Variants in FGF12 observed in about 807,000 individuals in gnomAD.
FGF12 encodes fibroblast growth factor 12B.
FGF12 carries 14 observed loss-of-function variants against 23.6 expected under a neutral mutation model. The ratio of observed to expected loss-of-function variants is 0.59; its 90% confidence interval spans 0.39 to 0.93. The LOEUF is 0.93. Ranked by LOEUF, FGF12 falls within the 40% of genes least tolerant of loss-of-function variation. The pLI is 0.00. For synonymous variants in FGF12, 62 were observed against 77.3 expected, an observed-to-expected ratio of 0.80 and a Z score of 1.04; for missense variants, 175 against 217.8, an observed-to-expected ratio of 0.80 and a Z score of 1.24.
chr3:192,435,145 A>T (rs1234570961), intron 2 of FGF12, among the ~76,000 whole-genome samples: 1 of 152,188 alleles, frequency 6.6e-6, no homozygotes, highest in Non-Finnish European at 1.5e-5. Context: ...TAAAGCATAA[A>T]GTCTCTATTT....
At chr3:192,643,099 AT>A (rs1293193313) in intron 2 of FGF12, among the ~76,000 whole-genome samples, 2 of 152,238 alleles carry the variant, frequency 1.3e-5, no homozygotes, top group Non-Finnish European at 2.9e-5. Flanking sequence ...GGCAGACATG[AT>A]TTTTTAAAAA....
intron 2 of FGF12, among the ~76,000 whole-genome samples, chr3:192,715,818 C>G (rs926965413): frequency 6.6e-6 from 1 of 152,194 alleles, no homozygotes; most frequent in African/African-American, 2.4e-5. Context: ...TTTTTCATGT[C>G]TAGCCCCAGT....
At chr3:192,633,937 C>A (rs141060290) in intron 2 of FGF12, among the ~76,000 whole-genome samples, 13 of 152,102 alleles carry the variant, frequency 8.5e-5, no homozygotes, top group Admixed American at 7.2e-4. Context: ...AACTGTATAT[C>A]GTTGTTGCTT....
Position 192,514,929 on chromosome 3 carries a change from G to T in FGF12, c.14-154391C>A. The T allele has an allele frequency of 1.0e-6, 1 of 956,660 alleles. No homozygotes were observed. The highest frequency in any genetic ancestry group is 1.2e-4 in the East Asian group (1 of 8,624). 59.3% of individuals were successfully genotyped at this position (956,660 alleles called of 1,614,324 possible). ...CCCGGGCGCCGGCAGGGGGCGGGCC[G>T]GGACGCGGAAGTGCCGGTCCGCCGG... On this transcript the variant is annotated intron_variant, in intron 2 of 5. Coordinates refer to ENST00000445105, the MANE Select transcript of FGF12 (RefSeq NM_004113.6). The surrounding 1 kb of genome is among the most constrained non-coding windows in gnomAD (Gnocchi z 4.9).
At chr3:192,661,274 C>A (rs187523985) in intron 2 of FGF12, among the ~76,000 whole-genome samples, 1 of 152,314 alleles carries the variant, frequency 6.6e-6, no homozygotes, top group Admixed American at 6.5e-5. Flanking sequence ...GCAATTCCAG[C>A]ACTTTGGGAG....
intron 4 of FGF12, among the ~76,000 whole-genome samples, chr3:192,197,792 C>T (rs187132548): frequency 1.3e-5 from 2 of 151,992 alleles, no homozygotes; most frequent in South Asian, 2.1e-4. Flanking sequence ...TAAAAAAATA[C>T]AAAGTTAGCC....
chr3:192,476,155 G>C (rs924911232), intron 2 of FGF12, among the ~76,000 whole-genome samples: 2 of 152,058 alleles, frequency 1.3e-5, no homozygotes, highest in Admixed American at 6.6e-5. Flanking sequence ...TGGCTTCAGA[G>C]ATCACATGTG....
intron 2 of FGF12, among the ~76,000 whole-genome samples, chr3:192,696,814 A>G (rs1294512929): frequency 1.3e-5 from 2 of 152,016 alleles, no homozygotes; most frequent in African/African-American, 4.8e-5. Context: ...GGTGATACAG[A>G]TGTGCTGGTT....
chr3:192,599,000 G>C (rs1468290600), intron 2 of FGF12, among the ~76,000 whole-genome samples: 1 of 152,032 alleles, frequency 6.6e-6, no homozygotes, highest in Non-Finnish European at 1.5e-5. Context: ...TTCTCAGCAA[G>C]CTAACACAAG....
intron 2 of FGF12, among the ~76,000 whole-genome samples, chr3:192,535,202 T>A (rs1351600655): frequency 6.6e-6 from 1 of 152,080 alleles, no homozygotes; most frequent in Non-Finnish European, 1.5e-5. Flanking sequence ...TAAAAATAGG[T>A]TTTTCATATT....
intron 2 of FGF12, among the ~76,000 whole-genome samples, chr3:192,469,171 C>A (rs773426001): frequency 5.9e-5 from 9 of 152,222 alleles, no homozygotes; most frequent in Middle Eastern, 6.8e-3. Context: ...CCTTCCCCAG[C>A]GCTGCAATCT....
intron 2 of FGF12, among the ~76,000 whole-genome samples, chr3:192,460,011 G>C (rs1322171768): frequency 1.3e-5 from 2 of 152,002 alleles, no homozygotes; most frequent in South Asian, 4.1e-4. Context: ...TAGTCTTCGA[G>C]TCATGCAGGA....
chr3:192,550,313 ATAAT>A (rs1725600553), intron 2 of FGF12, among the ~76,000 whole-genome samples: 1 of 150,512 alleles, frequency 6.6e-6, no homozygotes. Context: ...GCAAACATAT[ATAAT>A]ATATTCCTTT....
At chr3:192,176,758 T>C (rs951339823) in intron 4 of FGF12, among the ~76,000 whole-genome samples, 9 of 152,262 alleles carry the variant, frequency 5.9e-5, no homozygotes, top group African/African-American at 2.2e-4. Context: ...TAACAGATGA[T>C]GTATGGTAAG....
At chr3:192,221,470 C>T (rs765165037) in intron 4 of FGF12, among the ~76,000 whole-genome samples, 1 of 152,120 alleles carries the variant, frequency 6.6e-6, no homozygotes, top group African/African-American at 2.4e-5. Context: ...CATGACAGCG[C>T]AGGGATGTGA....
At chr3:192,158,354 C>CTT (rs1178121673) in intron 5 of FGF12, among the ~76,000 whole-genome samples, 4 of 111,786 alleles carry the variant, frequency 3.6e-5, no homozygotes, top group African/African-American at 4.0e-5. Flanking sequence ...TTCTTTCTTT[C>CTT]TTTCTTTCTT....
intron 2 of FGF12, among the ~76,000 whole-genome samples, chr3:192,499,671 A>G (rs558261600): frequency 3.1e-4 from 47 of 150,660 alleles, no homozygotes; most frequent in African/African-American, 1.1e-3. Context: ...AGCTGGGACT[A>G]CAGGCACCCA....
chr3:192,398,972 G>T (rs1161051465), intron 2 of FGF12, among the ~76,000 whole-genome samples: 1 of 152,174 alleles, frequency 6.6e-6, no homozygotes, highest in Non-Finnish European at 1.5e-5. Flanking sequence ...GACACAGGCA[G>T]TATACTAAGT....
intron 3 of FGF12, among the ~76,000 whole-genome samples, chr3:192,355,709 T>C (rs1320456441): frequency 6.6e-6 from 1 of 152,184 alleles, no homozygotes; most frequent in Non-Finnish European, 1.5e-5. Context: ...AGGATGTGGG[T>C]GTAATTCTAT....
Sources: allele counts gnomAD v4.1 joint callset (sites outside exome capture counted in the v4.1 genomes callset), GRCh38; gene constraint gnomAD v4.1.1; non-coding constraint Gnocchi (gnomAD v3.1); transcripts MANE v1.5; gene names NCBI Gene and HGNC (gene_info 2026-07-23, HGNC 2026-07-21).